The following EXT1 variants were observed in gnomAD, a reference collection of about 807,000 sequenced individuals.
The protein encoded by EXT1 is exostosin-1.
In EXT1, 20 loss-of-function variants were observed where a neutral mutation model predicts 82.5. The ratio of observed to expected loss-of-function variants is 0.24; its 90% CI spans 0.17 to 0.35. The LOEUF is 0.35. Ranked by LOEUF, EXT1 falls within the 10% of genes least tolerant of loss-of-function variation. The pLI is 1.00. For synonymous variants in EXT1, 348 were observed against 350.8 expected (o/e 0.99, Z 0.09); for missense variants, 757 against 936.5 (o/e 0.81, Z 2.50).
At chr8:117,932,540 A>T (rs1057295823) in intron 1 of EXT1, among the ~76,000 whole-genome samples, 1 of 152,148 alleles carries the variant, frequency 6.6e-6, no homozygotes, top group Non-Finnish European at 1.5e-5. Flanking sequence ...AAACATAAAC[A>T]TAGTACTGCC....
intron 1 of EXT1, among the ~76,000 whole-genome samples, chr8:117,878,305 T>C (rs1016012217): frequency 6.6e-6 from 1 of 152,128 alleles, no homozygotes; most frequent in Non-Finnish European, 1.5e-5. Context: ...ATATTCAACC[T>C]ACTATCCAGA....
At chr8:118,066,907 T>A (rs889597933) in intron 1 of EXT1, among the ~76,000 whole-genome samples, 3 of 152,196 alleles carry the variant, frequency 2.0e-5, no homozygotes, top group Non-Finnish European at 2.9e-5. Context: ...AAAAGTTTTT[T>A]AAAAAATTAA....
chr8:117,995,096 C>T (rs1203730982), intron 1 of EXT1, among the ~76,000 whole-genome samples: 1 of 152,132 alleles, frequency 6.6e-6, no homozygotes, highest in African/African-American at 2.4e-5. Flanking sequence ...TCTGCCCTTC[C>T]GCCCACTTAA....
chr8:117,863,396 C>T (rs1586248941), intron 1 of EXT1, among the ~76,000 whole-genome samples: 1 of 140,512 alleles, frequency 7.1e-6, no homozygotes, highest in South Asian at 2.3e-4. Context: ...TTTGATATCA[C>T]TATGCTAAGT....
At chr8:118,084,108 T>C (rs1817379006) in intron 1 of EXT1, among the ~76,000 whole-genome samples, 1 of 152,120 alleles carries the variant, frequency 6.6e-6, no homozygotes, top group Non-Finnish European at 1.5e-5. Flanking sequence ...ACAAATGAGG[T>C]AATATACAAA....
chr8:117,880,275 A>G (rs561288648), intron 1 of EXT1, among the ~76,000 whole-genome samples: 35 of 152,352 alleles, frequency 2.3e-4, no homozygotes, highest in Non-Finnish European at 4.3e-4. Flanking sequence ...TGGTCAATTC[A>G]CCAAAGACAG....
intron 1 of EXT1, among the ~76,000 whole-genome samples, chr8:117,965,834 C>A (rs148838619): frequency 6.6e-5 from 10 of 152,122 alleles, no homozygotes; most frequent in East Asian, 1.9e-4. Context: ...TAACTATTCA[C>A]GTAGATAATT....
At chr8:117,972,242 A>T (rs1387237939) in intron 1 of EXT1, among the ~76,000 whole-genome samples, 1 of 152,078 alleles carries the variant, frequency 6.6e-6, no homozygotes, top group African/African-American at 2.4e-5. Context: ...GGATTTCCAG[A>T]GTGCAGTCAA....
intron 1 of EXT1, among the ~76,000 whole-genome samples, chr8:118,018,776 C>T (rs1209769160): frequency 1.3e-5 from 2 of 152,150 alleles, no homozygotes; most frequent in African/African-American, 4.8e-5. Flanking sequence ...TTCTGACTCA[C>T]AATCCCAAAA....
intron 1 of EXT1, among the ~76,000 whole-genome samples, chr8:117,997,087 T>C (rs910518262): frequency 6.6e-6 from 1 of 152,000 alleles, no homozygotes; most frequent in Non-Finnish European, 1.5e-5. Context: ...GGAATACCAT[T>C]TGAGGGAAGT....
At chr8:117,881,075 G>A (rs943514601) in intron 1 of EXT1, among the ~76,000 whole-genome samples, 4 of 152,162 alleles carry the variant, frequency 2.6e-5, no homozygotes, top group African/African-American at 9.7e-5. Context: ...AAGTGCAGGT[G>A]ACTGGAATGT....
chr8:117,961,488 A>G (rs1195572883), intron 1 of EXT1, among the ~76,000 whole-genome samples: 2 of 152,254 alleles, frequency 1.3e-5, no homozygotes, highest in African/African-American at 4.8e-5. Context: ...ACCAGCACCT[A>G]GAAATCTAAA....
At chr8:118,010,689 C>T (rs919037106) in intron 1 of EXT1, among the ~76,000 whole-genome samples, 2 of 152,174 alleles carry the variant, frequency 1.3e-5, no homozygotes, top group African/African-American at 4.8e-5. Context: ...TCCCAGTACC[C>T]TGGGCTGAAG....
At chr8:118,101,660 A>T (rs757485928) in intron 1 of EXT1, among the ~76,000 whole-genome samples, 3 of 152,226 alleles carry the variant, frequency 2.0e-5, no homozygotes, top group Non-Finnish European at 4.4e-5. Context: ...ACCAGGGAGG[A>T]TTTTGGCTGG....
intron 1 of EXT1, among the ~76,000 whole-genome samples, chr8:117,892,007 A>G (rs1476296247): frequency 1.3e-5 from 2 of 151,660 alleles, no homozygotes; most frequent in Non-Finnish European, 2.9e-5. Context: ...GGGTTTCACC[A>G]TGTTGGTCAG....
chr8:118,040,382 T>C (rs986412332), intron 1 of EXT1, among the ~76,000 whole-genome samples: 1 of 152,214 alleles, frequency 6.6e-6, no homozygotes, highest in African/African-American at 2.4e-5. Context: ...GTTTGGGTTC[T>C]TGATTATTTT....
At chr8:118,099,436 T>C (rs1036328458) in intron 1 of EXT1, among the ~76,000 whole-genome samples, 1 of 152,230 alleles carries the variant, frequency 6.6e-6, no homozygotes, top group Non-Finnish European at 1.5e-5. Flanking sequence ...CAGGTTAGAA[T>C]TGTCTAACGT....
chr8:117,828,990 TCTTGGTATTA>T (rs1386067370), intron 4 of EXT1, among the ~76,000 whole-genome samples: 1 of 152,158 alleles, frequency 6.6e-6, no homozygotes, highest in Non-Finnish European at 1.5e-5. Context: ...GACTTCAGTT[TCTTGGTATTA>T]CTCAGATTTC....
intron 1 of EXT1, among the ~76,000 whole-genome samples, chr8:117,874,993 A>T (rs1812941937): frequency 6.6e-6 from 1 of 152,206 alleles, no homozygotes; most frequent in African/African-American, 2.4e-5. Flanking sequence ...TGAAGGAACA[A>T]AGTATTGTTA....
Sources: gnomAD v4.1 joint callset for allele counts (sites outside exome capture counted in the v4.1 genomes callset) on GRCh38, gnomAD v4.1.1 for gene constraint, MANE v1.5 for transcripts, NCBI Gene and HGNC (gene_info 2026-07-23, HGNC 2026-07-21) for gene names.